ARHGEF38: variants seen among roughly 807,000 people sequenced by gnomAD.
ARHGEF38 encodes Rho guanine nucleotide exchange factor (GEF) 38.
In ARHGEF38, 79 loss-of-function variants were observed where a neutral mutation model predicts 79.9. The ratio of observed to expected loss-of-function variants is 0.99; its 90% confidence interval spans 0.82 to 1.19. The LOEUF (loss-of-function observed/expected upper bound fraction) is 1.19. ARHGEF38 is among the 50% of genes most tolerant of loss of function. The probability of loss-of-function intolerance (pLI) is 0.00; values close to 1 mark genes in which losing one functional copy is unlikely to be tolerated. For synonymous variants in ARHGEF38, 366 were observed against 328.3 expected (o/e 1.11, Z -1.24); for missense variants, 962 against 907.2 (o/e 1.06, Z -0.78).
chr4:105,674,489 C>A (rs1256664708), intron 13 of ARHGEF38, among the ~76,000 whole-genome samples: 6 of 151,898 alleles, frequency 4.0e-5, no homozygotes, highest in Non-Finnish European at 1.5e-5. Flanking sequence ...TCTTTCAGTT[C>A]TTAAATGCAT....
At chr4:105,610,984 C>T (rs17035971) in intron 2 of ARHGEF38, among the ~76,000 whole-genome samples, 6,541 of 152,062 alleles carry the variant, frequency 0.043, 196 homozygotes, top group Middle Eastern at 0.12. Context: ...TGGTAAAGAA[C>T]GAAGGCATAG....
chr4:105,558,005 C>T (rs1044355608), intron 1 of ARHGEF38, among the ~76,000 whole-genome samples: 2 of 152,136 alleles, frequency 1.3e-5, no homozygotes, highest in Admixed American at 6.6e-5. Flanking sequence ...GCAAAAATTA[C>T]GTCTCCATTT....
chr4:105,615,438 T>C (rs1020791741), intron 3 of ARHGEF38, among the ~76,000 whole-genome samples: 3 of 152,132 alleles, frequency 2.0e-5, no homozygotes, highest in African/African-American at 7.2e-5. Flanking sequence ...ACAGTGAAAA[T>C]TTTTAAAAAT....
intron 6 of ARHGEF38, among the ~76,000 whole-genome samples, chr4:105,647,261 T>G (rs1231925744): frequency 2.6e-5 from 4 of 152,290 alleles, no homozygotes; most frequent in Admixed American, 2.0e-4. Context: ...TCTTCTTTTC[T>G]CTTTTCTTCT....
intron 1 of ARHGEF38, among the ~76,000 whole-genome samples, chr4:105,566,466 A>C (rs1725893408): frequency 6.6e-6 from 1 of 152,210 alleles, no homozygotes; most frequent in African/African-American, 2.4e-5. Flanking sequence ...TTTATGGGTT[A>C]CATGAGATAT....
chr4:105,614,805 T>G (rs901924966), intron 3 of ARHGEF38, among the ~76,000 whole-genome samples: 1 of 152,196 alleles, frequency 6.6e-6, no homozygotes, highest in Admixed American at 6.5e-5. Flanking sequence ...ATTCACAAGA[T>G]TTGGTACTGT....
At chr4:105,596,429 G>A (rs963607457) in intron 2 of ARHGEF38, among the ~76,000 whole-genome samples, 6 of 152,232 alleles carry the variant, frequency 3.9e-5, no homozygotes, top group East Asian at 1.9e-4. Context: ...AGAAGGCTGC[G>A]TGTGAGGAGG....
chr4:105,631,606 G>C, intron 4 of ARHGEF38: 2 of 985,210 alleles, frequency 2.0e-6, no homozygotes, highest in Non-Finnish European at 2.4e-6. Flanking sequence ...CTTTTCTAGA[G>C]GAAGTATCTA....
intron 8 of ARHGEF38, among the ~76,000 whole-genome samples, chr4:105,654,868 T>C (rs1291733130): frequency 6.6e-6 from 1 of 152,228 alleles, no homozygotes; most frequent in Non-Finnish European, 1.5e-5. Context: ...AATCAGTTAC[T>C]AAATTGTCCC....
Position 105,577,605 on chromosome 4 carries a change from C to T in ARHGEF38, c.197-11643C>T, listed in dbSNP as rs1726569330. On this transcript the variant is annotated intron_variant, in intron 1 of 13. Coordinates refer to ENST00000420470, the MANE Select transcript of ARHGEF38 (RefSeq NM_001242729.2). ...AATTTCTAGTTAACTTCTCCCATCT[C>T]GCTGCTTATCGGTCTAATCAGGGTT... Among the ~76,000 whole-genome samples the T allele has an allele frequency of 2.6e-5, 4 of 151,940 alleles. No homozygotes were observed. The South Asian group carries it at 6.2e-4, about 24-fold the overall frequency.
At chr4:105,591,756 G>T (rs1442563252) in intron 2 of ARHGEF38, among the ~76,000 whole-genome samples, 1 of 152,112 alleles carries the variant, frequency 6.6e-6, no homozygotes, top group Non-Finnish European at 1.5e-5. Flanking sequence ...CACTTCATTA[G>T]CATTCTCATT....
intron 1 of ARHGEF38, among the ~76,000 whole-genome samples, chr4:105,561,419 A>AATAGAATAGAATAGAATGGAATGGAATG (rs1725538816): frequency 2.2e-5 from 1 of 46,048 alleles, no homozygotes; most frequent in African/African-American, 9.8e-5. Context: ...AGAATAGAAT[A>AATAGAATAGAATAGAATGGAATGGAATG]GAATGGAATA....
At chr4:105,651,119 A>G (rs946930731) in intron 7 of ARHGEF38, among the ~76,000 whole-genome samples, 4 of 152,220 alleles carry the variant, frequency 2.6e-5, no homozygotes, top group African/African-American at 9.6e-5. Context: ...AAGCTGTTAT[A>G]TTCTTTAAGA....
chr4:105,605,246 T>C (rs1429405897), intron 2 of ARHGEF38, among the ~76,000 whole-genome samples: 2 of 152,184 alleles, frequency 1.3e-5, no homozygotes, highest in African/African-American at 4.8e-5. Context: ...GCTTTTCTAT[T>C]ACTAGTCAAA....
Position 105,648,589 on chromosome 4 carries a change from A to G in ARHGEF38, c.915A>G (p.Lys305=), listed in dbSNP as rs1195626039. 6.5e-7 allele frequency: 1 copy of G among 1,530,240 alleles called. No individual in the cohort carries two copies. The highest frequency in any genetic ancestry group is 1.2e-5 in the South Asian group (1 of 83,038). 94.8% of individuals were successfully genotyped at this position (1,530,240 alleles called of 1,614,324 possible). A position where few individuals can be genotyped will look rare whatever the true frequency, so the allele number is the denominator to read the frequency against. Residue 305 remains lysine, a synonymous_variant, in exon 7 of 14, where the codon AAA becomes AAG. Transcript: ENST00000420470. ...YKKNDEDESL[K]DKLSKLNIHS... ...AGAATGACGAGGATGAATCACTTAA[A>G]GACAAATTGTCTAAACTAAATATTC...
chr4:105,559,990 A>G (rs1022898781), intron 1 of ARHGEF38, among the ~76,000 whole-genome samples: 2 of 152,146 alleles, frequency 1.3e-5, no homozygotes, highest in Middle Eastern at 3.2e-3. Flanking sequence ...GAGATGTCAC[A>G]TGCTTGAAAT....
chr4:105,631,137 T>G, intron 4 of ARHGEF38, 92 bp downstream of exon 4: 1 of 1,425,082 alleles, frequency 7.0e-7, no homozygotes, highest in Non-Finnish European at 9.2e-7. Context: ...CTCACATAAA[T>G]CCTATGTTTT....
chr4:105,592,488 A>C (rs1462086866), intron 2 of ARHGEF38, among the ~76,000 whole-genome samples: 1 of 151,658 alleles, frequency 6.6e-6, no homozygotes, highest in Non-Finnish European at 1.5e-5. Flanking sequence ...AGATGCTTTA[A>C]TTTCTATGGG....
intron 7 of ARHGEF38, 132 bp from the exon 8 acceptor site, chr4:105,653,933 C>G (rs1434554418): frequency 6.9e-6 from 3 of 436,166 alleles, no homozygotes; most frequent in South Asian, 1.1e-4. Flanking sequence ...TTAAGACAGA[C>G]AGCATGTCAT....
Sources: allele counts gnomAD v4.1 joint callset (sites outside exome capture counted in the v4.1 genomes callset), GRCh38; gene constraint gnomAD v4.1.1; transcripts MANE v1.5; gene names NCBI Gene and HGNC (gene_info 2026-07-23, HGNC 2026-07-21).